Variants in NEK8 observed in about 807,000 individuals in gnomAD.
NEK8 encodes the protein NIMA related kinase 8.
Under a neutral mutation model 77.2 loss-of-function variants are expected in NEK8, and 51 were observed. That is an observed-to-expected ratio of 0.66 (90% CI 0.53 to 0.83). NEK8 has a LOEUF of 0.83. Among genes scored for constraint, NEK8 ranks in the 40% least tolerant of loss-of-function variants. NEK8 has a pLI of 0.00. For missense variants in NEK8, 787 were observed against 909.2 expected (o/e 0.87, Z 1.73); for synonymous variants, 365 against 363.2 (o/e 1.00, Z -0.06).
At chr17:28,739,597 C>T (rs1465627738) in intron 10 of NEK8, among the ~76,000 whole-genome samples, 1 of 152,122 alleles carries the variant, frequency 6.6e-6, no homozygotes, top group Non-Finnish European at 1.5e-5. Flanking sequence ...TACAGGCACC[C>T]GCCACCGCGC....
At position 28,742,099 on chromosome 17, in the gene NEK8, T is replaced by C. The variant is rs921774760; in HGVS notation, c.*112T>C. 1 of 1,120,478 alleles carries C rather than the reference T, an allele frequency of 8.9e-7. No homozygotes were observed. Among genetic ancestry groups the C allele is most frequent in the Admixed American group, 1.7e-5 (1 of 59,430 alleles). 69.4% of individuals were successfully genotyped at this position (1,120,478 alleles called of 1,614,324 possible). On this transcript the variant is annotated 3_prime_UTR_variant, in exon 15 of 15. Transcript: ENST00000268766. ...AGCTGTCTCCTGGATTGTGTCATCA[T>C]GGGGTATCAGGGCTGGCAAAACCCC...
rs746222138 is a variant in NEK8, at chr17:28,741,414, G to C, written c.1893G>C (p.Glu631Asp). ...CCTCCTGGGGATTCTTCCTGGCAGA[G>C]AGCGAAGTGTACTCTTGGGGCAAAG... Reference protein sequence around the residue: ...GDAFTVAIGAESEVYSWGKGA... With the variant: ...GDAFTVAIGADSEVYSWGKGA... The change falls in exon 14 of 15, where the codon GAG becomes GAC. Residue 631 changes from glutamate (E) to aspartate (D), a missense_variant and splice_region_variant. Physicochemically the swap from Glu to Asp is conservative, Grantham distance 45. Transcript: ENST00000268766. This position sits in a 1 kb window ranked among gnomAD's most constrained non-coding sequence, Gnocchi z 4.5. The C allele has an allele frequency of 2.9e-5, 47 of 1,613,902 alleles. No homozygotes were observed. Among genetic ancestry groups the C allele is most frequent in the Non-Finnish European group, 3.9e-5 (46 of 1,179,970 alleles).
chr17:28,730,224 C>G (rs1186100224), intron 1 of NEK8, among the ~76,000 whole-genome samples: 2 of 151,826 alleles, frequency 1.3e-5, no homozygotes, highest in African/African-American at 2.4e-5. Context: ...AATTCTCCTG[C>G]CTCAGCATCC....
Position 28,737,691 on chromosome 17 carries a change from G to A in NEK8, c.844G>A (p.Ala282Thr). 1 of 1,614,138 alleles carries A rather than the reference G, an allele frequency of 6.2e-7. No individual in the cohort carries two copies. The highest frequency in any genetic ancestry group is 1.1e-5 in the South Asian group (1 of 91,088). Reference sequence around the variant, plus strand: ...GTCCTGCAGGGCAGAGAAGTCCGTGGCCCCCAGCAACACAGGGAGCAGGAC... The same window carrying A: ...GTCCTGCAGGGCAGAGAAGTCCGTGACCCCCAGCAACACAGGGAGCAGGAC... ...VRMRRAEKSV[A>T]PSNTGSRTTS... is the part of the protein sequence containing the mutation. The change falls in exon 6 of 15, where the codon GCC becomes ACC. Residue 282 changes from alanine to threonine, a missense_variant. By Grantham distance (58) the Ala-to-Thr change is moderately conservative (BLOSUM62 0). This residue lies in a region of NEK8 where 516 missense variants were observed against 544.0 expected (regional missense o/e 0.95). Coordinates refer to ENST00000268766, the MANE Select transcript of NEK8 (RefSeq NM_178170.3). This position sits in a 1 kb window ranked among gnomAD's most constrained non-coding sequence, Gnocchi z 4.8.
At chr17:28,734,367 CA>C (rs1337757776) in intron 2 of NEK8, 179 bp downstream of exon 2, 1 of 646,414 alleles carries the variant, frequency 1.5e-6, no homozygotes, top group East Asian at 2.7e-5. Flanking sequence ...CTGTTCCATA[CA>C]TAAAAGGAGA....
rs1347945940 is a variant in NEK8 at position 28,741,039 on chromosome 17, A to G, written c.1733-39A>G. The stretch of plus-strand genomic sequence containing the variant: ...GAGGGGGACTCACGGTCTCCTTGGT[A>G]CCCTGTTGAAGCACCCCTTTCCTTC... On this transcript the variant is annotated intron_variant, in intron 12 of 14. Coordinates refer to ENST00000268766, the MANE Select transcript of NEK8 (RefSeq NM_178170.3). The surrounding 1 kb of genome is among the most constrained non-coding windows in gnomAD (Gnocchi z 4.5). 5.6e-6 allele frequency: 9 copies of G among 1,614,054 alleles called. No individual in the cohort carries two copies. Among genetic ancestry groups the G allele is most frequent in the Non-Finnish European group, 7.6e-6 (9 of 1,179,996 alleles).
chr17:28,734,225 C>A, intron 2 of NEK8, 37 bp downstream of exon 2: 1 of 1,560,212 alleles, frequency 6.4e-7, no homozygotes, highest in Non-Finnish European at 8.8e-7. Context: ...GGCTGGAGGG[C>A]CTCTTACCTC....
At chr17:28,733,471 G>A (rs2034329622) in intron 1 of NEK8, among the ~76,000 whole-genome samples, 1 of 152,192 alleles carries the variant, frequency 6.6e-6, no homozygotes, top group Non-Finnish European at 1.5e-5. Flanking sequence ...ATTGGGCTAT[G>A]CACTGGGGTT....
chr17:28,728,916 A>T (rs545088364), intron 1 of NEK8, 56 bp downstream of exon 1: 1 of 1,471,362 alleles, frequency 6.8e-7, no homozygotes, highest in South Asian at 1.2e-5. Context: ...ATAAGCCCCA[A>T]TTCCGCCCGC....
In NEK8 at chr17:28,742,293, C is replaced by A; in HGVS notation, c.*306C>A. The A allele has an allele frequency of 1.9e-6, 1 of 517,570 alleles. No homozygotes were observed. The highest frequency in any genetic ancestry group is 3.5e-6 in the Non-Finnish European group (1 of 285,190). The allele number at this position is 517,570 out of a possible 1,614,324, so 32.1% of individuals were successfully genotyped here. A position where few individuals can be genotyped will look rare whatever the true frequency, so the allele number is the denominator to read the frequency against. On this transcript the variant is annotated 3_prime_UTR_variant, in exon 15 of 15. Transcript: ENST00000268766. The stretch of plus-strand genomic sequence containing the variant: ...AAGCAGGGTGGCCTCCAGAGCCTTG[C>A]CATAAAAAGGCTGAAGGCAGCCGGG...
chr17:28,742,006 T>C lies in NEK8; in HGVS notation c.*19T>C, dbSNP rs75850216. 1.5e-3 allele frequency: 2,411 copies of C among 1,612,518 alleles called. 33 individuals are homozygous for C. The African/African-American group carries it at 0.029, about 19-fold the overall frequency. On this transcript the variant is annotated 3_prime_UTR_variant, in exon 15 of 15. Transcript: ENST00000268766. ...CCCCTGAGGCACCCGGATTCACCTC[T>C]GGACCACCCTGATATTGCTTCTCCT...
chr17:28,730,714 G>C (rs956398384), intron 1 of NEK8, among the ~76,000 whole-genome samples: 1 of 151,758 alleles, frequency 6.6e-6, no homozygotes, highest in African/African-American at 2.4e-5. Context: ...TTAGGAGTTA[G>C]AGACCAGCCT....
Position 28,734,881 on chromosome 17 carries a change from C to T in NEK8, c.363C>T (p.Thr121=), listed in dbSNP as rs2034347539. The T allele has an allele frequency of 1.9e-6, 3 of 1,613,356 alleles. No homozygotes were observed. The highest frequency in any genetic ancestry group is 2.5e-6 in the Non-Finnish European group (3 of 1,179,598). ...QILLALHHVH[T]HLILHRDLKT... ...TGCTTGCACTGCATCATGTGCACAC[C>T]CACCTCATCCTGCACCGAGACCTCA... The change falls in exon 3 of 15, where the codon ACC becomes ACT. Residue 121 remains threonine, a synonymous_variant. Transcript: ENST00000268766.
rs761787363 is a variant in NEK8, at chr17:28,734,831, A to G, written c.313A>G (p.Ile105Val). Reference sequence around the variant, plus strand: ...TAATTCCCTGCTGGAGGAGGAGACCATCCTGCACTTCTTCGTGCAGATCCT... The same window carrying G: ...TAATTCCCTGCTGGAGGAGGAGACCGTCCTGCACTTCTTCGTGCAGATCCT... ...RCNSLLEEETILHFFVQILLA... is the reference protein window; with the variant it reads ...RCNSLLEEETVLHFFVQILLA... The change falls in exon 3 of 15, where the codon ATC (isoleucine) becomes GTC (valine). Residue 105 changes from isoleucine (I) to valine (V), a missense_variant. Ile to Val is a conservative substitution (Grantham distance 29). This residue lies in a region of NEK8 where 271 missense variants were observed against 365.1 expected (regional missense o/e 0.74). Transcript: ENST00000268766. The G allele has an allele frequency of 6.2e-7, 1 of 1,613,914 alleles. No individual in the cohort carries two copies. Among genetic ancestry groups the G allele is most frequent in the Non-Finnish European group, 8.5e-7 (1 of 1,180,020 alleles).
chr17:28,735,780 A>T lies in NEK8; in HGVS notation c.618+409A>T, dbSNP rs199758554. Reference sequence around the variant, plus strand: ...CAAAGCTGTTATTGTTTATTTATTTATTTTTTTTATTATACTTTAAGTTTT... The same window carrying T: ...CAAAGCTGTTATTGTTTATTTATTTTTTTTTTTTATTATACTTTAAGTTTT... On this transcript the variant is annotated intron_variant, in intron 4 of 14. Coordinates refer to ENST00000268766, the MANE Select transcript of NEK8 (RefSeq NM_178170.3). Among the ~76,000 whole-genome samples, 568 of 122,856 alleles carry T rather than the reference A, an allele frequency of 4.6e-3. 5 individuals carry two copies. Among genetic ancestry groups the T allele is most frequent in the African/African-American group, 0.013 (420 of 31,816 alleles). The allele number at this position is 122,856 out of a possible 152,430, so 80.6% of individuals were successfully genotyped here. A position where few individuals can be genotyped will look rare whatever the true frequency, so the allele number is the denominator to read the frequency against.
intron 2 of NEK8, chr17:28,734,437 A>T (rs567555898): frequency 3.5e-6 from 2 of 576,710 alleles, no homozygotes; most frequent in Non-Finnish European, 6.2e-6. Flanking sequence ...TGGGAGGCCA[A>T]CGCCGAGGCG....
intron 1 of NEK8, among the ~76,000 whole-genome samples, chr17:28,731,496 G>A (rs1467528255): frequency 6.6e-6 from 1 of 151,956 alleles, no homozygotes; most frequent in Non-Finnish European, 1.5e-5. Flanking sequence ...CCGAGATCGC[G>A]CCGCTCCACT....
In NEK8 at chr17:28,741,181, C is replaced by A; in HGVS notation, c.1836C>A (p.Gly612=). 1 of 1,613,466 alleles carries A rather than the reference C, an allele frequency of 6.2e-7. No homozygotes were observed. The highest frequency in any genetic ancestry group is 8.5e-7 in the Non-Finnish European group (1 of 1,179,732). The change falls in exon 13 of 15, where the codon GGC becomes GGA. Residue 612 remains glycine, a synonymous_variant. Coordinates refer to ENST00000268766, the MANE Select transcript of NEK8 (RefSeq NM_178170.3). This position sits in a 1 kb window ranked among gnomAD's most constrained non-coding sequence, Gnocchi z 4.5. ...CCTGTAAGGTCCAAGGCCTTGAGGG[C>A]ATCAAGATGGCAATGGTAGCCTGTG... The part of the protein sequence containing the change: ...RAPCKVQGLE[G]IKMAMVACGD...
Position 28,742,758 on chromosome 17 carries a change from C to T in NEK8, c.*771C>T, listed in dbSNP as rs2034438679. On this transcript the variant is annotated 3_prime_UTR_variant, in exon 15 of 15. Coordinates refer to ENST00000268766, the MANE Select transcript of NEK8 (RefSeq NM_178170.3). ...CTGGGGACCATAGCGAGACCGCTGT[C>T]TCCACCAAAAAAAAAAAAAAAGAAG... 1 of 148,566 alleles carries T rather than the reference C, an allele frequency of 6.7e-6. No homozygotes were observed. Among genetic ancestry groups the T allele is most frequent in the Non-Finnish European group, 1.5e-5 (1 of 67,276 alleles). 9.2% of individuals were successfully genotyped at this position (148,566 alleles called of 1,614,324 possible).
Sources: gnomAD v4.1 joint callset for allele counts (sites outside exome capture counted in the v4.1 genomes callset) on GRCh38, gnomAD v4.1.1 for gene constraint, gnomAD v4.1.1 regional missense constraint, Gnocchi (gnomAD v3.1) non-coding constraint, MANE v1.5 for transcripts, NCBI Gene and HGNC (gene_info 2026-07-23, HGNC 2026-07-21) for gene names.